Variants in CERKL observed in about 807,000 individuals in gnomAD.
The protein encoded by CERKL is ceramide kinase-like protein.
A neutral mutation model predicts 63.4 loss-of-function variants in CERKL; 61 were observed. That is an observed-to-expected ratio of 0.96 (90% CI 0.78 to 1.19). The LOEUF is 1.19. Among genes scored for constraint, CERKL ranks in the 50% most tolerant of loss-of-function variants. CERKL has a pLI of 0.00. For missense variants in CERKL, 675 were observed against 655.5 expected, an observed-to-expected ratio of 1.03 and a Z score of -0.33; for synonymous variants, 250 against 230.5, an observed-to-expected ratio of 1.08 and a Z score of -0.77.
intron 1 of CERKL, among the ~76,000 whole-genome samples, chr2:181,625,678 C>T (rs1175336168): frequency 6.6e-6 from 1 of 152,160 alleles, no homozygotes; most frequent in African/African-American, 2.4e-5. Context: ...TAGTCCCCAA[C>T]TCTGTCACCA....
rs139116338 is a variant in CERKL at position 181,648,359 on chromosome 2, T to A, written c.238+8410A>T. ...CTCATCAGTAACATTAAATTACTGA[T>A]GTATGCCAGGAGAGAAAGGGATAAT... On this transcript the variant is annotated intron_variant, in intron 1 of 12. Transcript: ENST00000410087. Among the ~76,000 whole-genome samples, 6 of 152,242 alleles carry A rather than the reference T, an allele frequency of 3.9e-5. No individual in the cohort carries two copies. The East Asian group carries it at 1.2e-3, about 29-fold the overall frequency.
rs182255265 is a variant in CERKL at position 181,596,408 on chromosome 2, A to C, written c.481+7429T>G. Among the ~76,000 whole-genome samples, 597 of 152,282 alleles carry C rather than the reference A, an allele frequency of 3.9e-3. 8 individuals carry two copies. Among genetic ancestry groups the C allele is most frequent in the African/African-American group, 0.013 (520 of 41,562 alleles). The stretch of plus-strand genomic sequence containing the variant: ...AAGACTGCCTGATGTTACTTATCCC[A>C]AGTATAAATAGAATGAATCACTTCT... On this transcript the variant is annotated intron_variant, in intron 2 of 12. Coordinates refer to ENST00000410087, the MANE Select transcript of CERKL (RefSeq NM_201548.5).
At chr2:181,622,485 A>G (rs1411754579) in intron 1 of CERKL, among the ~76,000 whole-genome samples, 1 of 152,212 alleles carries the variant, frequency 6.6e-6, no homozygotes, top group Admixed American at 6.5e-5. Context: ...TGACCACTAT[A>G]TTTAAAAGAA....
chr2:181,540,057 G>A lies in CERKL; in HGVS notation c.1366-793C>T, dbSNP rs557517852. 2.0e-3 allele frequency among the ~76,000 whole-genome samples: 5 copies of A among 2,494 alleles called. No homozygotes were observed. In the Admixed American group the frequency reaches 0.033, roughly 17 times the overall value. 1.6% of individuals were successfully genotyped at this position (2,494 alleles called of 152,430 possible). A position where few individuals can be genotyped will look rare whatever the true frequency, so the allele number is the denominator to read the frequency against. On this transcript the variant is annotated intron_variant, in intron 11 of 12. Coordinates refer to ENST00000410087, the MANE Select transcript of CERKL (RefSeq NM_201548.5). ...CCCTTTTCCACATGTAAACCTCAAT[G>A]AAACAGTTTTAAAAGTTGACAGAAA...
intron 10 of CERKL, among the ~76,000 whole-genome samples, chr2:181,546,706 G>A (rs917607475): frequency 2.0e-5 from 3 of 152,194 alleles, no homozygotes; most frequent in African/African-American, 7.2e-5. Context: ...ATGGACAGCT[G>A]ATTAAGAAGA....
In CERKL at chr2:181,638,061, A is replaced by T. The variant is rs180715139; in HGVS notation, c.238+18708T>A. ...TGTTATAGTTAGGAATCAGGACTTT[A>T]AGGGTAGGAGAAAAGAGACAATGTG... On this transcript the variant is annotated intron_variant, in intron 1 of 12. Coordinates refer to ENST00000410087, the MANE Select transcript of CERKL (RefSeq NM_201548.5). Among the ~76,000 whole-genome samples, 878 of 152,306 alleles carry T rather than the reference A, an allele frequency of 5.8e-3. 9 individuals are homozygous for T. Among genetic ancestry groups the T allele is most frequent in the African/African-American group, 0.02 (847 of 41,570 alleles).
At chr2:181,654,338 C>T (rs955829206) in intron 1 of CERKL, among the ~76,000 whole-genome samples, 3 of 152,146 alleles carry the variant, frequency 2.0e-5, no homozygotes, top group African/African-American at 4.8e-5. Flanking sequence ...ATTTACCCTG[C>T]CAACAAGACC....
chr2:181,625,323 G>C (rs1686639692), intron 1 of CERKL, among the ~76,000 whole-genome samples: 2 of 150,634 alleles, frequency 1.3e-5, no homozygotes, highest in South Asian at 4.2e-4. Flanking sequence ...AAAACAGAGT[G>C]AATGTATAAG....
chr2:181,549,209 G>T (rs985236478), intron 6 of CERKL, among the ~76,000 whole-genome samples: 8 of 152,112 alleles, frequency 5.3e-5, no homozygotes, highest in Non-Finnish European at 1.2e-4. Context: ...TACCAATAGG[G>T]ATAATAAAAT....
intron 1 of CERKL, among the ~76,000 whole-genome samples, chr2:181,638,628 T>C (rs891158034): frequency 1.3e-4 from 20 of 152,208 alleles, no homozygotes; most frequent in African/African-American, 3.4e-4. Context: ...TGCCATGCCA[T>C]CCCAATGAGT....
At chr2:181,589,941 T>C (rs1684920762) in intron 2 of CERKL, among the ~76,000 whole-genome samples, 1 of 151,818 alleles carries the variant, frequency 6.6e-6, no homozygotes, top group East Asian at 1.9e-4. Context: ...CCAGCCCGAG[T>C]AACTGGGACT....
intron 1 of CERKL, among the ~76,000 whole-genome samples, chr2:181,624,983 G>C (rs927056209): frequency 6.6e-6 from 1 of 152,158 alleles, no homozygotes; most frequent in East Asian, 1.9e-4. Context: ...AAATTTGAAA[G>C]ACATGAGCAT....
At chr2:181,615,224 C>T (rs1053980908) in intron 1 of CERKL, among the ~76,000 whole-genome samples, 5 of 152,104 alleles carry the variant, frequency 3.3e-5, no homozygotes, top group Non-Finnish European at 7.4e-5. Context: ...TAAAGATAAC[C>T]TCTCCTGGCA....
At chr2:181,547,020 A>G (rs989896390) in intron 10 of CERKL, among the ~76,000 whole-genome samples, 2 of 152,066 alleles carry the variant, frequency 1.3e-5, no homozygotes, top group African/African-American at 4.8e-5. Flanking sequence ...AAGTCTCATG[A>G]GATCTAATGG....
intron 5 of CERKL, among the ~76,000 whole-genome samples, chr2:181,552,865 T>C (rs887992752): frequency 7.8e-6 from 1 of 127,572 alleles, no homozygotes; most frequent in Non-Finnish European, 1.6e-5. Context: ...TTAATGGAAG[T>C]AAAAAATATA....
chr2:181,543,698 G>T (rs765075257), intron 11 of CERKL, among the ~76,000 whole-genome samples: 2 of 152,084 alleles, frequency 1.3e-5, no homozygotes, highest in Non-Finnish European at 2.9e-5. Context: ...CTTTAAGAAT[G>T]TGTGGGCCGG....
intron 10 of CERKL, among the ~76,000 whole-genome samples, chr2:181,547,413 C>T (rs1373651367): frequency 3.3e-5 from 5 of 152,130 alleles, no homozygotes; most frequent in East Asian, 1.9e-4. Context: ...GCCTCAGTGA[C>T]GTTAAATAGT....
chr2:181,631,462 C>T (rs768107881), intron 1 of CERKL, among the ~76,000 whole-genome samples: 1 of 152,180 alleles, frequency 6.6e-6, no homozygotes, highest in East Asian at 1.9e-4. Context: ...AGAAAAATGG[C>T]CCTTTAACCA....
intron 4 of CERKL, among the ~76,000 whole-genome samples, chr2:181,561,814 T>G (rs1001730739): frequency 1.3e-5 from 2 of 151,944 alleles, no homozygotes; most frequent in African/African-American, 4.8e-5. Context: ...ATTTTTTATT[T>G]TATTTTATTT....
Sources: gnomAD v4.1 joint callset for allele counts (sites outside exome capture counted in the v4.1 genomes callset) on GRCh38, gnomAD v4.1.1 for gene constraint, MANE v1.5 for transcripts, NCBI Gene and HGNC (gene_info 2026-07-23, HGNC 2026-07-21) for gene names.